Variants in ASIC2 observed in about 807,000 individuals in gnomAD.
ASIC2 encodes acid sensing ion channel subunit 2.
In ASIC2, 25 loss-of-function variants were observed where a neutral mutation model predicts 57.3. The ratio of observed to expected loss-of-function variants is 0.44; its 90% CI spans 0.32 to 0.61. The LOEUF is 0.61. Among genes scored for constraint, ASIC2 ranks in the 20% least tolerant of loss-of-function variants. The pLI is 0.06. For missense variants in ASIC2, 641 were observed against 738.1 expected (o/e 0.87, Z 1.52); for synonymous variants, 319 against 307.5 (o/e 1.04, Z -0.39).
At chr17:33,502,249 AGGGTGGT>A (rs1157282597) in intron 1 of ASIC2, among the ~76,000 whole-genome samples, 2 of 152,148 alleles carry the variant, frequency 1.3e-5, no homozygotes, top group African/African-American at 4.8e-5. Flanking sequence ...CCCACAAAAC[AGGGTGGT>A]GGCAACATTA....
At chr17:34,041,628 G>A (rs1399331243) in intron 1 of ASIC2, among the ~76,000 whole-genome samples, 2 of 152,182 alleles carry the variant, frequency 1.3e-5, no homozygotes, top group Non-Finnish European at 2.9e-5. Context: ...TATAACAAAT[G>A]TAGAAATACA....
At chr17:33,409,985 C>T (rs1401249699) in intron 1 of ASIC2, among the ~76,000 whole-genome samples, 1 of 152,206 alleles carries the variant, frequency 6.6e-6, no homozygotes, top group Non-Finnish European at 1.5e-5. Context: ...CTGGACCCCT[C>T]AGCAGGACCG....
chr17:33,913,534 A>C (rs1192680897), intron 1 of ASIC2, among the ~76,000 whole-genome samples: 2 of 152,186 alleles, frequency 1.3e-5, no homozygotes, highest in Non-Finnish European at 2.9e-5. Flanking sequence ...ATCATTTTCT[A>C]TGATAAACTG....
At chr17:33,914,873 G>A (rs756705150) in intron 1 of ASIC2, among the ~76,000 whole-genome samples, 2 of 152,184 alleles carry the variant, frequency 1.3e-5, no homozygotes, top group African/African-American at 4.8e-5. Flanking sequence ...ACAGTTGATC[G>A]ATCAGGTGAC....
intron 1 of ASIC2, among the ~76,000 whole-genome samples, chr17:33,934,487 A>G (rs1322231585): frequency 6.6e-6 from 1 of 152,214 alleles, no homozygotes; most frequent in Non-Finnish European, 1.5e-5. Flanking sequence ...ACAAGTCCAC[A>G]AGGTATTAAA....
At chr17:34,099,416 A>G (rs1023109172) in intron 1 of ASIC2, among the ~76,000 whole-genome samples, 7 of 143,874 alleles carry the variant, frequency 4.9e-5, no homozygotes, top group African/African-American at 1.8e-4. Context: ...GGAAGGAAAG[A>G]AAGAATGAAA....
At chr17:33,874,683 G>A (rs866221610) in intron 1 of ASIC2, among the ~76,000 whole-genome samples, 10 of 152,204 alleles carry the variant, frequency 6.6e-5, no homozygotes, top group African/African-American at 1.7e-4. Flanking sequence ...TTCTATCACC[G>A]TCCTACTGGC....
chr17:33,485,065 C>A (rs530151621), intron 1 of ASIC2, among the ~76,000 whole-genome samples: 2 of 152,376 alleles, frequency 1.3e-5, no homozygotes, highest in South Asian at 4.1e-4. Context: ...CTGGGTGAAG[C>A]CAAGAACCCT....
chr17:33,967,893 C>T (rs916698834), intron 1 of ASIC2, among the ~76,000 whole-genome samples: 1 of 152,166 alleles, frequency 6.6e-6, no homozygotes, highest in South Asian at 2.1e-4. Context: ...TAATGCTCTG[C>T]TCTCACTGTG....
At chr17:33,229,203 A>G (rs1907998106) in intron 1 of ASIC2, among the ~76,000 whole-genome samples, 1 of 152,178 alleles carries the variant, frequency 6.6e-6, no homozygotes, top group Admixed American at 6.5e-5. Flanking sequence ...AGGAGGGGAT[A>G]GGAAATGCGG....
Position 34,105,222 on chromosome 17 carries a change from G to A in ASIC2, c.555+50756C>T, listed in dbSNP as rs143529973. Among the ~76,000 whole-genome samples, 274 of 152,014 alleles carry A rather than the reference G, an allele frequency of 1.8e-3. 1 individual carries two copies. Among genetic ancestry groups the A allele is most frequent in the African/African-American group, 6.4e-3 (266 of 41,538 alleles). ...GTTTGCTCATTTCATCTGAATTGTA[G>A]CATTTTCTTGCATGATTTTTTAAAT... On this transcript the variant is annotated intron_variant, in intron 1 of 9. Coordinates refer to the ASIC2 transcript ENST00000359872.
intron 1 of ASIC2, among the ~76,000 whole-genome samples, chr17:34,137,460 G>A (rs939267526): frequency 1.3e-5 from 2 of 152,168 alleles, no homozygotes; most frequent in African/African-American, 4.8e-5. Context: ...TTGTTAGCAT[G>A]CCAGATAATT....
intron 1 of ASIC2, among the ~76,000 whole-genome samples, chr17:33,514,394 C>A (rs567635502): frequency 5.3e-5 from 8 of 152,122 alleles, no homozygotes; most frequent in Admixed American, 1.3e-4. Context: ...TCCACACCCC[C>A]CTCAACCTCA....
At chr17:33,338,007 G>T (rs1298082846) in intron 1 of ASIC2, among the ~76,000 whole-genome samples, 1 of 150,326 alleles carries the variant, frequency 6.7e-6, no homozygotes. Context: ...GGCAAAGAAG[G>T]TGGAAGTGTT....
At chr17:33,502,782 G>T (rs764603770) in intron 1 of ASIC2, among the ~76,000 whole-genome samples, 1 of 152,110 alleles carries the variant, frequency 6.6e-6, no homozygotes, top group East Asian at 1.9e-4. Context: ...GATTTCCTTC[G>T]ATAACTTTTA....
chr17:33,521,304 G>T (rs563398375), intron 1 of ASIC2, among the ~76,000 whole-genome samples: 1 of 152,264 alleles, frequency 6.6e-6, no homozygotes, highest in Non-Finnish European at 1.5e-5. Context: ...GAATTATTTG[G>T]CTCTGCAGGG....
At chr17:33,303,886 T>A (rs1243294139) in intron 1 of ASIC2, among the ~76,000 whole-genome samples, 1 of 152,162 alleles carries the variant, frequency 6.6e-6, no homozygotes, top group Non-Finnish European at 1.5e-5. Context: ...ATTCTTGGAG[T>A]TATAAAGGCA....
chr17:33,353,661 C>A (rs1414325364), intron 1 of ASIC2, among the ~76,000 whole-genome samples: 1 of 152,090 alleles, frequency 6.6e-6, no homozygotes, highest in Non-Finnish European at 1.5e-5. Context: ...TCTTTAAGGC[C>A]CAGCCAAATG....
intron 1 of ASIC2, among the ~76,000 whole-genome samples, chr17:33,444,611 T>C (rs1911947463): frequency 6.6e-6 from 1 of 151,966 alleles, no homozygotes; most frequent in Non-Finnish European, 1.5e-5. Context: ...GCCTGGGGAG[T>C]GGGCAAGTGT....
Sources: allele counts gnomAD v4.1 joint callset (sites outside exome capture counted in the v4.1 genomes callset), GRCh38; gene constraint gnomAD v4.1.1; transcripts MANE v1.5; gene names NCBI Gene and HGNC (gene_info 2026-07-23, HGNC 2026-07-21).